The following SUGT1 variants were observed in gnomAD, a reference collection of about 807,000 sequenced individuals.
SUGT1 encodes protein SGT1 homolog.
A neutral mutation model predicts 56.1 loss-of-function variants in SUGT1; 15 were observed. The observed-to-expected ratio is 0.27, with a 90% CI of 0.18 to 0.41. The LOEUF (loss-of-function observed/expected upper bound fraction) is 0.41. Ranked by LOEUF, SUGT1 falls within the 10% of genes least tolerant of loss-of-function variation. SUGT1 has a pLI of 1.00. For synonymous variants in SUGT1, 123 were observed against 128.6 expected (o/e 0.96, Z 0.30); for missense variants, 347 against 382.2 (o/e 0.91, Z 0.77).
intron 8 of SUGT1, 87 bp downstream of exon 8, chr13:52,664,144 A>G: frequency 1.5e-6 from 2 of 1,349,972 alleles, no homozygotes; most frequent in South Asian, 2.6e-5. Context: ...GCAAATTCTT[A>G]CCATGTGATT....
At chr13:52,681,532 A>G (rs1359980658) in intron 12 of SUGT1, among the ~76,000 whole-genome samples, 1 of 152,130 alleles carries the variant, frequency 6.6e-6, no homozygotes, top group African/African-American at 2.4e-5. Flanking sequence ...TGATGGAAAC[A>G]TTTTGTCAAA....
At chr13:52,686,588 C>T (rs905431193) in intron 12 of SUGT1, among the ~76,000 whole-genome samples, 2 of 152,130 alleles carry the variant, frequency 1.3e-5, no homozygotes, top group Admixed American at 1.3e-4. Flanking sequence ...TGCAAAAAAG[C>T]CCATGTAAGG....
intron 11 of SUGT1, among the ~76,000 whole-genome samples, chr13:52,677,308 C>T (rs887910967): frequency 1.3e-5 from 2 of 152,178 alleles, no homozygotes; most frequent in African/African-American, 4.8e-5. Flanking sequence ...AGTGTCTTAA[C>T]TAGTCCAATG....
intron 11 of SUGT1, 148 bp downstream of exon 11, chr13:52,676,468 A>T: frequency 1.6e-6 from 1 of 640,676 alleles, no homozygotes; most frequent in Non-Finnish European, 2.4e-6. Flanking sequence ...TAATGAATAT[A>T]AAGTAGCCTT....
In SUGT1 at chr13:52,690,214, C is replaced by G. The variant is rs977918760; in HGVS notation, c.*2379C>G. On this transcript the variant is annotated 3_prime_UTR_variant, in exon 13 of 13. Transcript: ENST00000310528. The stretch of plus-strand genomic sequence containing the variant: ...GTAGGCTAGATTGCTGCCTAAGAAT[C>G]CCACTCTAAAGTACTGCTTTGTTTA... 1 of 152,138 alleles carries G rather than the reference C, an allele frequency of 6.6e-6. No individual in the cohort carries two copies. The highest frequency in any genetic ancestry group is 1.5e-5 in the Non-Finnish European group (1 of 68,020). The allele number at this position is 152,138 out of a possible 1,614,324, so 9.4% of individuals were successfully genotyped here.
chr13:52,681,339 G>T (rs1315148068), intron 12 of SUGT1, among the ~76,000 whole-genome samples: 2 of 151,324 alleles, frequency 1.3e-5, no homozygotes, highest in African/African-American at 2.4e-5. Flanking sequence ...GATCTCTTGA[G>T]CCTGGGTGGT....
chr13:52,678,746 A>G (rs1963251358), intron 11 of SUGT1, among the ~76,000 whole-genome samples: 1 of 144,108 alleles, frequency 6.9e-6, no homozygotes, highest in Non-Finnish European at 1.5e-5. Context: ...TGGCACTGTC[A>G]TGGCTCAGTG....
At chr13:52,674,703 T>G (rs1963075230) in intron 10 of SUGT1, among the ~76,000 whole-genome samples, 1 of 152,190 alleles carries the variant, frequency 6.6e-6, no homozygotes, top group Admixed American at 6.5e-5. Flanking sequence ...TAGTGATCCT[T>G]TTCATAGGAA....
At chr13:52,674,321 G>A (rs1963060391) in intron 10 of SUGT1, among the ~76,000 whole-genome samples, 1 of 151,794 alleles carries the variant, frequency 6.6e-6, no homozygotes, top group African/African-American at 2.4e-5. Context: ...TAAGGTGCTG[G>A]GGTTACTACT....
chr13:52,662,152 G>A (rs1962486811), intron 5 of SUGT1, among the ~76,000 whole-genome samples: 1 of 152,156 alleles, frequency 6.6e-6, no homozygotes, highest in Non-Finnish European at 1.5e-5. Context: ...GGTGTTGGTA[G>A]GAAAGGCATG....
chr13:52,683,977 C>T (rs1240225586), intron 12 of SUGT1, among the ~76,000 whole-genome samples: 1 of 152,172 alleles, frequency 6.6e-6, no homozygotes, highest in Non-Finnish European at 1.5e-5. Flanking sequence ...ACTTCCCAGG[C>T]TCAAGTGATC....
intron 10 of SUGT1, among the ~76,000 whole-genome samples, chr13:52,675,042 G>A (rs1963088886): frequency 6.6e-6 from 1 of 152,130 alleles, no homozygotes; most frequent in Admixed American, 6.5e-5. Flanking sequence ...ACTCCCCGAT[G>A]CAGTGTCCTT....
At chr13:52,657,228 CAATT>C (rs1195242604) in intron 2 of SUGT1, among the ~76,000 whole-genome samples, 4 of 152,050 alleles carry the variant, frequency 2.6e-5, no homozygotes, top group Admixed American at 6.5e-5. Context: ...CAATGTGTAA[CAATT>C]AAACTCTTCA....
intron 8 of SUGT1, 52 bp from the exon 9 acceptor site, chr13:52,665,585 A>T: frequency 7.2e-7 from 1 of 1,382,640 alleles, no homozygotes; most frequent in Non-Finnish European, 9.8e-7. Context: ...TTTTGACAAT[A>T]GCTTTAAAAA....
intron 10 of SUGT1, among the ~76,000 whole-genome samples, chr13:52,673,888 C>T (rs927126031): frequency 1.3e-5 from 2 of 152,038 alleles, no homozygotes; most frequent in Non-Finnish European, 2.9e-5. Flanking sequence ...TGATAAATAT[C>T]GTAGCAGTGA....
Position 52,697,393 on chromosome 13 carries a change from T to C in SUGT1, c.*9558T>C, listed in dbSNP as rs185316275. ...TTAGCCCTCCATTCATACAAAATTA[T>C]GAGCCCAAATGTCTTGGGGAGAGTA... On this transcript the variant is annotated 3_prime_UTR_variant, in exon 13 of 13. Transcript: ENST00000310528. 2.0e-5 allele frequency: 3 copies of C among 152,392 alleles called. No homozygotes were observed. The East Asian group carries it at 5.8e-4, about 29-fold the overall frequency. The allele number at this position is 152,392 out of a possible 1,614,324, so 9.4% of individuals were successfully genotyped here. A position where few individuals can be genotyped will look rare whatever the true frequency, so the allele number is the denominator to read the frequency against.
chr13:52,686,070 G>A (rs185861326), intron 12 of SUGT1, among the ~76,000 whole-genome samples: 1 of 152,248 alleles, frequency 6.6e-6, no homozygotes, highest in East Asian at 1.9e-4. Flanking sequence ...TGGGACTACG[G>A]GCGCATGCCA....
rs1961967568 is a variant in SUGT1, at chr13:52,652,875, A to G, written c.-46A>G. The G allele has an allele frequency of 1.2e-6, 2 of 1,601,854 alleles. No individual in the cohort carries two copies. The highest frequency in any genetic ancestry group is 1.7e-6 in the Non-Finnish European group (2 of 1,173,502). On this transcript the variant is annotated 5_prime_UTR_variant, in exon 1 of 13. Coordinates refer to ENST00000310528, the MANE Select transcript of SUGT1 (RefSeq NM_006704.5). ...CCCTTGGGCGGTGGTGGAGGTGGTA[A>G]CCGTGATAGTAGCAGCTCCGGCGGC... is the stretch of plus-strand genomic sequence containing the variant.
At position 52,692,104 on chromosome 13, in the gene SUGT1, T is replaced by C. The variant is rs1350677940; in HGVS notation, c.*4269T>C. On this transcript the variant is annotated 3_prime_UTR_variant, in exon 13 of 13. Coordinates refer to ENST00000310528, the MANE Select transcript of SUGT1 (RefSeq NM_006704.5). ...CATTACTGCAAATAGTGGTAGTTACTGTGTACTAGCATTTCTTATGGATTG... is the reference window on the plus strand; with the variant it reads ...CATTACTGCAAATAGTGGTAGTTACCGTGTACTAGCATTTCTTATGGATTG... 6.6e-6 allele frequency: 1 copy of C among 152,216 alleles called. No individual in the cohort carries two copies. The highest frequency in any genetic ancestry group is 2.4e-5 in the African/African-American group (1 of 41,458). The allele number at this position is 152,216 out of a possible 1,614,324, so 9.4% of individuals were successfully genotyped here. A position where few individuals can be genotyped will look rare whatever the true frequency, so the allele number is the denominator to read the frequency against.
Sources: allele counts gnomAD v4.1 joint callset (sites outside exome capture counted in the v4.1 genomes callset), GRCh38; gene constraint gnomAD v4.1.1; transcripts MANE v1.5; gene names NCBI Gene and HGNC (gene_info 2026-07-23, HGNC 2026-07-21).